LYST: variants seen among roughly 807,000 people sequenced by gnomAD.
LYST encodes lysosomal-trafficking regulator.
In LYST, 192 loss-of-function variants were observed where a neutral mutation model predicts 413.6. The ratio of observed to expected loss-of-function variants is 0.46; its 90% CI spans 0.41 to 0.52. The LOEUF is 0.52. Ranked by LOEUF, LYST falls within the 20% of genes least tolerant of loss-of-function variation. LYST has a pLI of 0.00. For missense variants in LYST, 3,815 were observed against 4,499.9 expected (o/e 0.85, Z 4.35); for synonymous variants, 1,525 against 1,567.3 (o/e 0.97, Z 0.64).
At chr1:235,806,841 A>C in intron 5 of LYST, 69 bp from the exon 6 acceptor site, 1 of 964,996 alleles carries the variant, frequency 1.0e-6, no homozygotes, top group Non-Finnish European at 1.6e-6. Context: ...GGTACATATA[A>C]TATTTAATAT....
intron 13 of LYST, 135 bp from the exon 14 acceptor site, chr1:235,787,508 G>A: frequency 1.3e-6 from 1 of 743,336 alleles, no homozygotes; most frequent in Non-Finnish European, 2.3e-6. Context: ...TGCTTGAAAA[G>A]TCAGTAGGTC....
At chr1:235,860,056 ATCAG>A (rs1476950861) in intron 1 of LYST, among the ~76,000 whole-genome samples, 1 of 152,168 alleles carries the variant, frequency 6.6e-6, no homozygotes, top group Non-Finnish European at 1.5e-5. Flanking sequence ...TTTTCTAGGA[ATCAG>A]TCAGTGTCAA....
intron 10 of LYST, among the ~76,000 whole-genome samples, chr1:235,796,127 G>T (rs1671535499): frequency 6.6e-6 from 1 of 151,968 alleles, no homozygotes; most frequent in South Asian, 2.1e-4. Flanking sequence ...GGAGGCTCAA[G>T]ATAACAATTA....
At chr1:235,804,360 C>A in intron 7 of LYST, 144 bp downstream of exon 7, 1 of 727,670 alleles carries the variant, frequency 1.4e-6, no homozygotes, top group Non-Finnish European at 2.5e-6. Context: ...ATATCCATCA[C>A]GAGGAGATAA....
In LYST at chr1:235,808,785, A is replaced by G. The variant is rs1406334780; in HGVS notation, c.2033T>C (p.Leu678Pro). The G allele has an allele frequency of 3.7e-6, 6 of 1,612,948 alleles. No individual in the cohort carries two copies. In the South Asian group the frequency reaches 4.4e-5, roughly 12 times the overall value. The stretch of plus-strand genomic sequence containing the variant: ...CAAATCTTCAGATCCACTGCTGGGC[A>G]GGATCCCTTGAAATCTGTAAGAAGG... ...SSPSYRFQGI[L>P]PSSGSEDLLW... Residue 678 changes from leucine (L) to proline (P), a missense_variant, in exon 5 of 53, where the codon CTG becomes CCG. Physicochemically the swap from Leu to Pro is moderately conservative, Grantham distance 98. Around this residue, in one of 4 missense-constraint regions of LYST, gnomAD observed 1,648 missense variants for 1,810.3 expected, o/e 0.91. Transcript: ENST00000389793.
intron 10 of LYST, among the ~76,000 whole-genome samples, chr1:235,794,536 CA>C (rs1485821699): frequency 2.0e-5 from 3 of 151,932 alleles, no homozygotes; most frequent in Non-Finnish European, 4.4e-5. Flanking sequence ...TCACCAAAAA[CA>C]AAAAACCCTA....
chr1:235,715,241 G>A lies in LYST; in HGVS notation c.9744C>T (p.Val3248=). The A allele has an allele frequency of 1.2e-6, 2 of 1,613,968 alleles. No homozygotes were observed. Among genetic ancestry groups the A allele is most frequent in the Non-Finnish European group, 1.7e-6 (2 of 1,179,942 alleles). ...SNSGTVLHFL[V]RMPPFTKMFL... ...ACATTTTAGTGAAAGGAGGCATCCT[G>A]ACCAGGAAGTGAAGCACAGTGCCGC... is the stretch of plus-strand genomic sequence containing the variant. Residue 3248 remains valine (V), a synonymous_variant, in exon 42 of 53, where the codon GTC becomes GTT. Transcript: ENST00000389793.
chr1:235,838,596 AT>A (rs904780332), intron 1 of LYST, among the ~76,000 whole-genome samples: 1 of 152,202 alleles, frequency 6.6e-6, no homozygotes, highest in Admixed American at 6.5e-5. Flanking sequence ...TGGAAGCTAC[AT>A]TTTTTTAAAT....
intron 29 of LYST, among the ~76,000 whole-genome samples, chr1:235,745,110 CA>C (rs1442564857): frequency 6.6e-6 from 1 of 151,876 alleles, no homozygotes; most frequent in Non-Finnish European, 1.5e-5. Context: ...ATATAATTGA[CA>C]AATAGAAATT....
rs1668133276 is a variant in LYST, at chr1:235,766,251, G to A, written c.5949C>T (p.Pro1983=). The A allele has an allele frequency of 6.2e-7, 1 of 1,610,990 alleles. No homozygotes were observed. Among genetic ancestry groups the A allele is most frequent in the Non-Finnish European group, 8.5e-7 (1 of 1,178,706 alleles). ...LQEYKEGQLT[P]MPREVCRSFV... Reference sequence around the variant, plus strand: ...ATGATCTACAAACCTCTCGGGGCATGGGTGTGAGTTGCCCCTCTTTGTATT... The same window carrying A: ...ATGATCTACAAACCTCTCGGGGCATAGGTGTGAGTTGCCCCTCTTTGTATT... Residue 1983 remains proline, a synonymous_variant, in exon 21 of 53, where the codon CCC becomes CCT. Transcript: ENST00000389793.
intron 48 of LYST, among the ~76,000 whole-genome samples, chr1:235,680,034 CA>C (rs952797365): frequency 2.4e-4 from 37 of 151,630 alleles, no homozygotes; most frequent in African/African-American, 8.5e-4. Context: ...CACACACACA[CA>C]ACTAAGACTG....
chr1:235,663,966 AG>A lies in LYST; in HGVS notation c.11267+17del. Reference sequence around the variant, plus strand: ...CACAAATTGTATTCTGAAGCATAAGAGGGGGAGAAGATCTTACCTGATGATG... The same window carrying A: ...CACAAATTGTATTCTGAAGCATAAGAGGGGAGAAGATCTTACCTGATGATG... On this transcript the variant is annotated intron_variant, in intron 52 of 52. Coordinates refer to ENST00000389793, the MANE Select transcript of LYST (RefSeq NM_000081.4). 1 of 1,568,322 alleles carries A rather than the reference AG, an allele frequency of 6.4e-7. No individual in the cohort carries two copies. Among genetic ancestry groups the A allele is most frequent in the Non-Finnish European group, 8.8e-7 (1 of 1,138,318 alleles).
intron 1 of LYST, among the ~76,000 whole-genome samples, chr1:235,861,734 C>T (rs1679903984): frequency 2.6e-5 from 4 of 152,152 alleles, no homozygotes. Context: ...TCAAGCGATC[C>T]TCCCACCTCA....
At chr1:235,768,172 C>T (rs1668325421) in intron 20 of LYST, among the ~76,000 whole-genome samples, 1 of 152,050 alleles carries the variant, frequency 6.6e-6, no homozygotes, top group Non-Finnish European at 1.5e-5. Context: ...AATGTAGATA[C>T]AAAAACTACA....
chr1:235,703,863 T>C (rs1381269756), intron 44 of LYST, among the ~76,000 whole-genome samples: 1 of 152,146 alleles, frequency 6.6e-6, no homozygotes, highest in Non-Finnish European at 1.5e-5. Flanking sequence ...ACCCAGGTAC[T>C]AAGCCTAGTA....
chr1:235,715,473 A>C, intron 41 of LYST, 116 bp from the exon 42 acceptor site: 9 of 956,032 alleles, frequency 9.4e-6, no homozygotes, highest in Non-Finnish European at 1.3e-5. Context: ...GCCATTCTCC[A>C]TGGCTGGCCC....
chr1:235,870,575 G>A (rs191932882), upstream of LYST, among the ~76,000 whole-genome samples: 154 of 152,348 alleles, frequency 1.0e-3, no homozygotes, highest in African/African-American at 3.5e-3. Flanking sequence ...TAATTTGGCT[G>A]AAGTGTTTCT....
Position 235,686,341 on chromosome 1 carries a change from T to C in LYST, c.10800+608A>G, listed in dbSNP as rs541212059. 6.6e-6 allele frequency among the ~76,000 whole-genome samples: 1 copy of C among 152,270 alleles called. No individual in the cohort carries two copies. Among genetic ancestry groups the C allele is most frequent in the South Asian group, 2.1e-4 (1 of 4,828 alleles). On this transcript the variant is annotated intron_variant, in intron 48 of 52. Transcript: ENST00000389793. This position sits in a 1 kb window ranked among gnomAD's most constrained non-coding sequence, Gnocchi z 4.0. ...GAGATTGTGCCATTGCATTCCAGCT[T>C]AGGCAAGAGAGGGAGGTTCTGTCTC...
intron 43 of LYST, among the ~76,000 whole-genome samples, chr1:235,709,527 T>G (rs1662239010): frequency 6.7e-6 from 1 of 149,752 alleles, no homozygotes; most frequent in Non-Finnish European, 1.5e-5. Flanking sequence ...ATAATTAAAT[T>G]TGAGATCTTT....
Sources: gnomAD v4.1 joint callset for allele counts (sites outside exome capture counted in the v4.1 genomes callset) on GRCh38, gnomAD v4.1.1 for gene constraint, gnomAD v4.1.1 regional missense constraint, Gnocchi (gnomAD v3.1) non-coding constraint, MANE v1.5 for transcripts, NCBI Gene and HGNC (gene_info 2026-07-23, HGNC 2026-07-21) for gene names.